AKR1C1: variants seen among roughly 807,000 people sequenced by gnomAD.
AKR1C1 encodes aldo-keto reductase family 1 member C1, also known as 20 alpha-hydroxysteroid dehydrogenase.
A neutral mutation model predicts 40.6 loss-of-function variants in AKR1C1; 32 were observed. The observed-to-expected ratio is 0.79, with a 90% CI of 0.60 to 1.06. The LOEUF (loss-of-function observed/expected upper bound fraction) is 1.06. Among genes scored for constraint, AKR1C1 ranks in the 50% least tolerant of loss-of-function variants. AKR1C1 has a pLI of 0.00. For missense variants in AKR1C1, 320 were observed against 363.5 expected (o/e 0.88, Z 0.97); for synonymous variants, 105 against 134.2 (o/e 0.78, Z 1.50).
In AKR1C1 at chr10:4,964,695, C is replaced by T. The variant is rs550549388; in HGVS notation, c.84+1167C>T. Among the ~76,000 whole-genome samples, 3 of 152,256 alleles carry T rather than the reference C, an allele frequency of 2.0e-5. No individual in the cohort carries two copies. The East Asian group carries it at 5.8e-4, about 29-fold the overall frequency. On this transcript the variant is annotated intron_variant, in intron 1 of 8. Transcript: ENST00000380872. Reference sequence around the variant, plus strand: ...AATCATATGTTTCCTAAAAGAGTTGCCTTGAACTTATGGAACTGAACCCCA... The same window carrying T: ...AATCATATGTTTCCTAAAAGAGTTGTCTTGAACTTATGGAACTGAACCCCA...
Position 4,966,910 on chromosome 10 carries a change from T to G in AKR1C1, c.253-17T>G, listed in dbSNP as rs142148973. On this transcript the variant is annotated splice_polypyrimidine_tract_variant and intron_variant, in intron 2 of 8. Transcript: ENST00000380872. ...TCAAGTTTTCATTACACAACTTCCTTTCTCTAACCTCTGCAGCTTTGGTGC... is the reference window on the plus strand; with the variant it reads ...TCAAGTTTTCATTACACAACTTCCTGTCTCTAACCTCTGCAGCTTTGGTGC... 12 of 1,594,602 alleles carry G rather than the reference T, an allele frequency of 7.5e-6. No individual in the cohort carries two copies. In the East Asian group the frequency reaches 2.2e-4, roughly 30 times the overall value.
chr10:4,967,313 C>A (rs1011604892), intron 3 of AKR1C1: 41 of 1,145,618 alleles, frequency 3.6e-5, no homozygotes, highest in Non-Finnish European at 4.3e-5. Context: ...CTTGAAGGCA[C>A]AAGGTCTTAG....
In AKR1C1 at chr10:4,979,449, A is replaced by G. The variant is rs1388993863; in HGVS notation, c.*1707A>G. The G allele has an allele frequency of 1.3e-5, 2 of 152,158 alleles. No individual in the cohort carries two copies. The highest frequency in any genetic ancestry group is 2.9e-5 in the Non-Finnish European group (2 of 68,038). 9.4% of individuals were successfully genotyped at this position (152,158 alleles called of 1,614,324 possible). A position where few individuals can be genotyped will look rare whatever the true frequency, so the allele number is the denominator to read the frequency against. On this transcript the variant is annotated 3_prime_UTR_variant, in exon 9 of 9. Coordinates refer to ENST00000380872, the MANE Select transcript of AKR1C1 (RefSeq NM_001353.6). ...AAGAAATCTCATGTAAACCATGGCC[A>G]TCCTGTTCTACCTTAACTTTCTGAG... is the stretch of plus-strand genomic sequence containing the variant.
Position 4,978,584 on chromosome 10 carries a change from T to A in AKR1C1, c.*842T>A, listed in dbSNP as rs1433018898. On this transcript the variant is annotated 3_prime_UTR_variant, in exon 9 of 9. Coordinates refer to ENST00000380872, the MANE Select transcript of AKR1C1 (RefSeq NM_001353.6). Reference sequence around the variant, plus strand: ...ACATCATTGACTAATCACATTCCCCTGAATAGCTCATATTTAGAAAATATT... The same window carrying A: ...ACATCATTGACTAATCACATTCCCCAGAATAGCTCATATTTAGAAAATATT... 1 of 152,182 alleles carries A rather than the reference T, an allele frequency of 6.6e-6. No individual in the cohort carries two copies. Among genetic ancestry groups the A allele is most frequent in the Non-Finnish European group, 1.5e-5 (1 of 68,034 alleles). 9.4% of individuals were successfully genotyped at this position (152,182 alleles called of 1,614,324 possible). A position where few individuals can be genotyped will look rare whatever the true frequency, so the allele number is the denominator to read the frequency against.
chr10:4,974,204 A>G (rs1836487705), intron 7 of AKR1C1, among the ~76,000 whole-genome samples: 1 of 151,822 alleles, frequency 6.6e-6, no homozygotes, highest in Admixed American at 6.6e-5. Flanking sequence ...AATTATCAGT[A>G]TTTATACATA....
chr10:4,968,801 C>T lies in AKR1C1; in HGVS notation c.448-21C>T, dbSNP rs576962572. 1,862 of 1,613,122 alleles carry T rather than the reference C, an allele frequency of 1.2e-3. 35 individuals carry two copies. The South Asian group carries it at 0.02, about 17-fold the overall frequency. On this transcript the variant is annotated intron_variant, in intron 4 of 8. Coordinates refer to ENST00000380872, the MANE Select transcript of AKR1C1 (RefSeq NM_001353.6). ...TCACATTTATCTTGATCTTCCACAC[C>T]TCACAATTCCTTTTTCCCAGGCCGT...
chr10:4,972,411 G>A (rs1836445142), intron 6 of AKR1C1, 101 bp downstream of exon 6: 2 of 1,416,790 alleles, frequency 1.4e-6, no homozygotes, highest in Admixed American at 4.7e-5. Context: ...CTGACTTGGG[G>A]TGAGGGAAGA....
chr10:4,973,339 C>T lies in AKR1C1; in HGVS notation c.846+590C>T, dbSNP rs1381082113. 6.6e-5 allele frequency among the ~76,000 whole-genome samples: 10 copies of T among 152,130 alleles called. No homozygotes were observed. The South Asian group carries it at 1.0e-3, about 16-fold the overall frequency. On this transcript the variant is annotated intron_variant, in intron 7 of 8. Coordinates refer to ENST00000380872, the MANE Select transcript of AKR1C1 (RefSeq NM_001353.6). ...AAAATTAGCCTGGGCTCAGCCTAAA[C>T]TCAGTCCATTCCTTCTGTTCCTGGC...
intron 5 of AKR1C1, chr10:4,969,525 C>A: frequency 2.8e-6 from 2 of 722,666 alleles, no homozygotes; most frequent in Admixed American, 2.4e-5. Context: ...GATATCTGTT[C>A]ACAGTGGATG....
intron 5 of AKR1C1, among the ~76,000 whole-genome samples, chr10:4,971,237 T>C (rs1473971421): frequency 1.3e-5 from 2 of 151,970 alleles, no homozygotes. Flanking sequence ...TAACTATTCT[T>C]ACCTGACATT....
chr10:4,964,648 C>T (rs1215487110), intron 1 of AKR1C1, among the ~76,000 whole-genome samples: 1 of 152,166 alleles, frequency 6.6e-6, no homozygotes, highest in Non-Finnish European at 1.5e-5. Context: ...TTACGTAAGT[C>T]AATAATTGTA....
chr10:4,969,409 G>A (rs1376830728), intron 5 of AKR1C1, among the ~76,000 whole-genome samples: 2 of 152,256 alleles, frequency 1.3e-5, no homozygotes, highest in Non-Finnish European at 2.9e-5. Context: ...GCCTCTTGGT[G>A]TCTCTGCTTT....
At position 4,977,836 on chromosome 10, in the gene AKR1C1, C is replaced by G. The variant is rs1279553237; in HGVS notation, c.*94C>G. On this transcript the variant is annotated 3_prime_UTR_variant, in exon 9 of 9. Transcript: ENST00000380872. ...ATGCTGGTGACTGGACACATCGCCT[C>G]TGGTTAAATCTCTCCTGCTTGGTGA... The G allele has an allele frequency of 4.8e-6, 7 of 1,450,842 alleles. No individual in the cohort carries two copies. The African/African-American group carries it at 7.2e-5, about 15-fold the overall frequency. 89.9% of individuals were successfully genotyped at this position (1,450,842 alleles called of 1,614,324 possible).
chr10:4,965,867 T>C (rs1255362067), intron 1 of AKR1C1, 47 bp from the exon 2 acceptor site: 2 of 1,581,186 alleles, frequency 1.3e-6, no homozygotes, highest in Admixed American at 3.7e-5. Context: ...CTGAACTAAC[T>C]CTCAGGCACA....
rs1246372494 is a variant in AKR1C1, at chr10:4,979,149, T to G, written c.*1407T>G. On this transcript the variant is annotated 3_prime_UTR_variant, in exon 9 of 9. Transcript: ENST00000380872. ...CCCAGCAAGTTTTGCAGCTCACAGTTTTTTCCGTAAATTACTTATTCTATA... is the reference window on the plus strand; with the variant it reads ...CCCAGCAAGTTTTGCAGCTCACAGTGTTTTCCGTAAATTACTTATTCTATA... The G allele has an allele frequency of 6.6e-6, 1 of 152,180 alleles. No individual in the cohort carries two copies. Among genetic ancestry groups the G allele is most frequent in the African/African-American group, 2.4e-5 (1 of 41,440 alleles). The allele number at this position is 152,180 out of a possible 1,614,324, so 9.4% of individuals were successfully genotyped here. A position where few individuals can be genotyped will look rare whatever the true frequency, so the allele number is the denominator to read the frequency against.
In AKR1C1 at chr10:4,968,914, A is replaced by G. The variant is rs750891248; in HGVS notation, c.540A>G (p.Pro180=). 1.2e-6 allele frequency: 2 copies of G among 1,614,208 alleles called. No homozygotes were observed. Among genetic ancestry groups the G allele is most frequent in the Admixed American group, 1.7e-5 (1 of 60,022 alleles). Residue 180 remains proline, a synonymous_variant, in exon 5 of 9, where the codon CCA becomes CCG. Coordinates refer to ENST00000380872, the MANE Select transcript of AKR1C1 (RefSeq NM_001353.6). ...AGCTGGAGATGATCCTCAACAAGCC[A>G]GGGCTCAAGTACAAGCCTGTCTGCA... ...RRQLEMILNK[P]GLKYKPVCNQ... is the part of the protein sequence containing the mutation.
At position 4,981,766 on chromosome 10, in the gene AKR1C1, G is replaced by C. The variant is rs1296972456; in HGVS notation, c.*4024G>C. On this transcript the variant is annotated 3_prime_UTR_variant, in exon 9 of 9. Transcript: ENST00000380872. ...TTGATCCTGTGCGGACAAGTGCCTT[G>C]AGCAGAATCCACAGGGGAGAGCTGG... is the stretch of plus-strand genomic sequence containing the variant. The C allele has an allele frequency of 1.3e-5, 2 of 152,026 alleles. No homozygotes were observed. Among genetic ancestry groups the C allele is most frequent in the Non-Finnish European group, 2.9e-5 (2 of 67,958 alleles). 9.4% of individuals were successfully genotyped at this position (152,026 alleles called of 1,614,324 possible). A position where few individuals can be genotyped will look rare whatever the true frequency, so the allele number is the denominator to read the frequency against.
chr10:4,967,235 A>G (rs187470790), intron 3 of AKR1C1, 192 bp downstream of exon 3: 2 of 1,003,870 alleles, frequency 2.0e-6, no homozygotes, highest in South Asian at 3.9e-5. Flanking sequence ...TTGCATGTCT[A>G]TAAGAAAAGA....
chr10:4,977,452 A>G (rs1327787671), intron 8 of AKR1C1, among the ~76,000 whole-genome samples: 4 of 152,228 alleles, frequency 2.6e-5, no homozygotes, highest in Admixed American at 1.3e-4. Flanking sequence ...AATATGTTTG[A>G]ACATTTCACT....
Sources: allele counts gnomAD v4.1 joint callset (sites outside exome capture counted in the v4.1 genomes callset), GRCh38; gene constraint gnomAD v4.1.1; transcripts MANE v1.5; gene names NCBI Gene and HGNC (gene_info 2026-07-23, HGNC 2026-07-21).